Variants in SMG8 observed in about 807,000 individuals in gnomAD.
SMG8 encodes SMG8 nonsense mediated mRNA decay factor.
Under a neutral mutation model 82.1 loss-of-function variants are expected in SMG8, and 49 were observed. That is an observed-to-expected ratio of 0.60 (90% CI 0.47 to 0.76). SMG8 has a LOEUF of 0.76. SMG8 is among the 30% of genes least tolerant of loss of function. The pLI is 0.00. For synonymous variants in SMG8, 404 were observed against 430.0 expected (o/e 0.94, Z 0.75); for missense variants, 969 against 1,166.4 (o/e 0.83, Z 2.46).
Position 59,210,446 on chromosome 17 carries a change from C to G in SMG8, c.395C>G (p.Ser132Cys), listed in dbSNP as rs2046940473. The change falls in exon 1 of 4, where the codon TCC becomes TGC. Residue 132 changes from serine (S) to cysteine (C), a missense_variant. By Grantham distance (112) the Ser-to-Cys change is moderately radical (BLOSUM62 -1). Transcript: ENST00000300917. ...VAEGNRTEAGSQDYSLLQAYY... is the reference protein window; with the variant it reads ...VAEGNRTEAGCQDYSLLQAYY... Reference sequence around the variant, plus strand: ...GAAGGTAACCGAACTGAGGCAGGCTCCCAGGACTACAGCCTTCTGCAGGCC... The same window carrying G: ...GAAGGTAACCGAACTGAGGCAGGCTGCCAGGACTACAGCCTTCTGCAGGCC... The G allele has an allele frequency of 6.2e-7, 1 of 1,608,550 alleles. No homozygotes were observed. Among genetic ancestry groups the G allele is most frequent in the South Asian group, 1.1e-5 (1 of 90,278 alleles).
intron 3 of SMG8, 109 bp from the exon 4 acceptor site, chr17:59,214,696 C>T (rs2046959806): frequency 1.5e-6 from 1 of 683,944 alleles, no homozygotes; most frequent in Admixed American, 2.5e-5. Flanking sequence ...CGTGAGCCAC[C>T]AGGTCTGGCC....
chr17:59,213,866 CTTAAAT>C (rs1475487555), intron 3 of SMG8, among the ~76,000 whole-genome samples: 4 of 152,042 alleles, frequency 2.6e-5, no homozygotes, highest in African/African-American at 9.7e-5. Flanking sequence ...TTAAACAGGT[CTTAAAT>C]TTAAATACCT....
chr17:59,210,223 C>A lies in SMG8; in HGVS notation c.172C>A (p.Leu58Ile). Residue 58 changes from leucine (L) to isoleucine (I), a missense_variant, in exon 1 of 4, where the codon CTA becomes ATA. By Grantham distance (5) the Leu-to-Ile change is conservative. Around this residue, in one of 3 missense-constraint regions of SMG8, gnomAD observed 206 missense variants for 190.5 expected, o/e 1.08. Transcript: ENST00000300917. ...CVVGIFGKTA[L>I]RLNSEKFSLV... is the part of the protein sequence containing the mutation. The stretch of plus-strand genomic sequence containing the variant: ...TGTGGGAATCTTCGGCAAGACGGCT[C>A]TACGCCTGAATTCCGAGAAGTTCTC... The A allele has an allele frequency of 6.2e-7, 1 of 1,607,908 alleles. No individual in the cohort carries two copies. The highest frequency in any genetic ancestry group is 1.1e-5 in the South Asian group (1 of 90,408).
chr17:59,213,382 C>T lies in SMG8; in HGVS notation c.2559C>T (p.Asp853=). 1 of 1,614,160 alleles carries T rather than the reference C, an allele frequency of 6.2e-7. No individual in the cohort carries two copies. The highest frequency in any genetic ancestry group is 8.5e-7 in the Non-Finnish European group (1 of 1,180,040). The change falls in exon 3 of 4, where the codon GAC becomes GAT. Residue 853 remains aspartate (D), a synonymous_variant. Coordinates refer to ENST00000300917, the MANE Select transcript of SMG8 (RefSeq NM_018149.7). ...ARAFVGFEYE[D]SRGRRFMCSG... is the part of the protein sequence containing the mutation. ...CTTTTGTGGGCTTTGAATATGAAGA[C>T]TCTCGAGGTCGGAGATTCATGTGCT...
In SMG8 at chr17:59,210,969, C is replaced by T. The variant is rs1160919904; in HGVS notation, c.918C>T (p.Asp306=). The T allele has an allele frequency of 1.2e-6, 2 of 1,614,196 alleles. No individual in the cohort carries two copies. The highest frequency in any genetic ancestry group is 1.7e-5 in the Admixed American group (1 of 60,010). The part of the protein sequence containing the change: ...PKRRLQHALE[D]QIYRIFRKSR... ...GGAGGCTGCAGCATGCCCTGGAGGACCAGATCTATAGAATCTTCCGGAAGA... is the reference window on the plus strand; with the variant it reads ...GGAGGCTGCAGCATGCCCTGGAGGATCAGATCTATAGAATCTTCCGGAAGA... The change falls in exon 1 of 4, where the codon GAC becomes GAT. Residue 306 remains aspartate (D), a synonymous_variant. Coordinates refer to ENST00000300917, the MANE Select transcript of SMG8 (RefSeq NM_018149.7).
chr17:59,211,545 C>G lies in SMG8; in HGVS notation c.1494C>G (p.Asn498Lys). 1 of 1,614,044 alleles carries G rather than the reference C, an allele frequency of 6.2e-7. No homozygotes were observed. The highest frequency in any genetic ancestry group is 8.5e-7 in the Non-Finnish European group (1 of 1,180,022). The change falls in exon 1 of 4, where the codon AAC becomes AAG. Residue 498 changes from asparagine to lysine, a missense_variant. Around this residue, in one of 3 missense-constraint regions of SMG8, gnomAD observed 662 missense variants for 884.8 expected, o/e 0.75. Coordinates refer to ENST00000300917, the MANE Select transcript of SMG8 (RefSeq NM_018149.7). ...FLDIDTKFSE[N>K]RCQKALPMAH... The stretch of plus-strand genomic sequence containing the variant: ...ATATTGACACAAAATTCTCAGAAAA[C>G]CGATGCCAAAAAGCTTTACCCATGG...
Position 59,215,059 on chromosome 17 carries a change from TG to T in SMG8, c.*59del. 1 of 847,868 alleles carries T rather than the reference TG, an allele frequency of 1.2e-6. No individual in the cohort carries two copies. 52.5% of individuals were successfully genotyped at this position (847,868 alleles called of 1,614,324 possible). A position where few individuals can be genotyped will look rare whatever the true frequency, so the allele number is the denominator to read the frequency against. ...AGCTGGTTTTTGTTTTTGGTATTTGTGGCTGTGTTTTTGGTATGTGTTTACT... is the reference window on the plus strand; with the variant it reads ...AGCTGGTTTTTGTTTTTGGTATTTGTGCTGTGTTTTTGGTATGTGTTTACT... On this transcript the variant is annotated 3_prime_UTR_variant, in exon 4 of 4. Transcript: ENST00000300917.
Position 59,214,856 on chromosome 17 carries a change from A to C in SMG8, c.2830A>C (p.Ile944Leu), listed in dbSNP as rs765735131. The C allele has an allele frequency of 6.9e-6, 6 of 872,978 alleles. No homozygotes were observed. Among genetic ancestry groups the C allele is most frequent in the South Asian group, 6.5e-5 (5 of 76,546 alleles). 54.1% of individuals were successfully genotyped at this position (872,978 alleles called of 1,614,324 possible). The change falls in exon 4 of 4, where the codon ATC (isoleucine) becomes CTC (leucine). Residue 944 changes from isoleucine (I) to leucine (L), a missense_variant. Physicochemically the swap from Ile to Leu is conservative, Grantham distance 5. This residue lies in a region of SMG8 where 101 missense variants were observed against 91.1 expected (regional missense o/e 1.11). Coordinates refer to ENST00000300917, the MANE Select transcript of SMG8 (RefSeq NM_018149.7). ...GGTATTCTACCCAGAAAAACAAGAA[A>C]TCACCCTTCCACCTGATGGCCTTTG... ...CPVFYPEKQE[I>L]TLPPDGLWVL...
chr17:59,213,275 C>A lies in SMG8; in HGVS notation c.2452C>A (p.Pro818Thr). ...DEGDLDTNSW[P>T]APNKAIPGKR... Reference sequence around the variant, plus strand: ...AGGAGACTTAGACACAAACTCTTGGCCTGCTCCAAATAAAGCTATTCCTGG... The same window carrying A: ...AGGAGACTTAGACACAAACTCTTGGACTGCTCCAAATAAAGCTATTCCTGG... Residue 818 changes from proline (P) to threonine (T), a missense_variant, in exon 3 of 4, where the codon CCT becomes ACT. Around this residue, in one of 3 missense-constraint regions of SMG8, gnomAD observed 662 missense variants for 884.8 expected, o/e 0.75. Transcript: ENST00000300917. The A allele has an allele frequency of 6.2e-7, 1 of 1,614,128 alleles. No homozygotes were observed. The highest frequency in any genetic ancestry group is 8.5e-7 in the Non-Finnish European group (1 of 1,180,034).
rs778495666 is a variant in SMG8, at chr17:59,210,657, C to T, written c.606C>T (p.Tyr202=). 1.9e-6 allele frequency: 3 copies of T among 1,614,084 alleles called. No individual in the cohort carries two copies. The highest frequency in any genetic ancestry group is 1.7e-6 in the Non-Finnish European group (2 of 1,179,974). ...AGCTGCAGTGCCTCAGTCTCCTTTA[C>T]CTATTCTCTGTCTGTCATATCTTGC... ...QEKLQCLSLL[Y]LFSVCHILLL... The change falls in exon 1 of 4, where the codon TAC becomes TAT. Residue 202 remains tyrosine (Y), a synonymous_variant. Coordinates refer to ENST00000300917, the MANE Select transcript of SMG8 (RefSeq NM_018149.7).
chr17:59,213,508 T>C lies in SMG8; in HGVS notation c.2685T>C (p.Ser895=). ...TGCCCTTATATATTCTGTCATCCTC[T>C]CAAGGTAGAGGGCTGAAACCTCATT... is the stretch of plus-strand genomic sequence containing the variant. ...SDMPLYILSS[S]QGRGLKPHYA... is the part of the protein sequence containing the mutation. Residue 895 remains serine, a synonymous_variant, in exon 3 of 4, where the codon TCT becomes TCC. Coordinates refer to ENST00000300917, the MANE Select transcript of SMG8 (RefSeq NM_018149.7). 1 of 1,614,210 alleles carries C rather than the reference T, an allele frequency of 6.2e-7. No homozygotes were observed. The highest frequency in any genetic ancestry group is 8.5e-7 in the Non-Finnish European group (1 of 1,180,034).
chr17:59,212,579 A>C lies in SMG8; in HGVS notation c.1905+93A>C, dbSNP rs964930447. Reference sequence around the variant, plus strand: ...TATTTTCAATAGCAGAGTAAGTAGAAAAGCAAATGCAACTGCAGTATAATA... The same window carrying C: ...TATTTTCAATAGCAGAGTAAGTAGACAAGCAAATGCAACTGCAGTATAATA... On this transcript the variant is annotated intron_variant, in intron 2 of 3. Coordinates refer to ENST00000300917, the MANE Select transcript of SMG8 (RefSeq NM_018149.7). 6 of 1,505,908 alleles carry C rather than the reference A, an allele frequency of 4.0e-6. No homozygotes were observed. In the Admixed American group the frequency reaches 1.3e-4, roughly 32 times the overall value. The allele number at this position is 1,505,908 out of a possible 1,614,324, so 93.3% of individuals were successfully genotyped here. A position where few individuals can be genotyped will look rare whatever the true frequency, so the allele number is the denominator to read the frequency against.
At position 59,210,119 on chromosome 17, in the gene SMG8, C is replaced by T. The variant is rs201808182; in HGVS notation, c.68C>T (p.Pro23Leu). The change falls in exon 1 of 4, where the codon CCC becomes CTC. Residue 23 changes from proline (P) to leucine (L), a missense_variant. By Grantham distance (98) the Pro-to-Leu change is moderately conservative. Coordinates refer to ENST00000300917, the MANE Select transcript of SMG8 (RefSeq NM_018149.7). ...TCAGCCTGGATGGGCTCTGAAAGTCCCGGAGGGTCCCCTACTGAGGGCGGA... is the reference window on the plus strand; with the variant it reads ...TCAGCCTGGATGGGCTCTGAAAGTCTCGGAGGGTCCCCTACTGAGGGCGGA... The part of the protein sequence containing the change: ...GASAWMGSES[P>L]GGSPTEGGGS... The T allele has an allele frequency of 1.9e-6, 3 of 1,581,724 alleles. No homozygotes were observed. The highest frequency in any genetic ancestry group is 1.2e-5 in the South Asian group (1 of 85,854).
chr17:59,211,941 A>G (rs2046947547), intron 1 of SMG8, 131 bp downstream of exon 1: 4 of 762,476 alleles, frequency 5.2e-6, no homozygotes, highest in Non-Finnish European at 5.7e-6. Flanking sequence ...TGCATCAGCT[A>G]TACGTTTTCT....
At position 59,212,866 on chromosome 17, in the gene SMG8, A is replaced by G. The variant is rs1262901172; in HGVS notation, c.2043A>G (p.Glu681=). The part of the protein sequence containing the change: ...PPDSDADKLK[E]KEPQTQGEST... Reference sequence around the variant, plus strand: ...ATTCGGATGCTGATAAACTTAAAGAAAAAGAACCTCAAACCCAAGGAGAGA... The same window carrying G: ...ATTCGGATGCTGATAAACTTAAAGAGAAAGAACCTCAAACCCAAGGAGAGA... Residue 681 remains glutamate, a synonymous_variant, in exon 3 of 4, where the codon GAA becomes GAG. Transcript: ENST00000300917. 1.4e-5 allele frequency: 22 copies of G among 1,614,126 alleles called. No homozygotes were observed. The highest frequency in any genetic ancestry group is 1.9e-5 in the Non-Finnish European group (22 of 1,180,016).
At position 59,212,749 on chromosome 17, in the gene SMG8, T is replaced by C; in HGVS notation, c.1926T>C (p.Cys642=). ...DFYQLLEEKC[C]GKLDHINFPV... is the part of the protein sequence containing the mutation. ...TATAGCTTCTGGAAGAAAAGTGTTG[T>C]GGAAAATTGGATCATATCAATTTCC... Residue 642 remains cysteine, a synonymous_variant, in exon 3 of 4, where the codon TGT becomes TGC. Transcript: ENST00000300917. 1 of 1,603,992 alleles carries C rather than the reference T, an allele frequency of 6.2e-7. No individual in the cohort carries two copies. Among genetic ancestry groups the C allele is most frequent in the South Asian group, 1.1e-5 (1 of 88,392 alleles).
chr17:59,210,130 C>G lies in SMG8; in HGVS notation c.79C>G (p.Pro27Ala), dbSNP rs141016713. ...GGGCTCTGAAAGTCCCGGAGGGTCC[C>G]CTACTGAGGGCGGAGGGAGCGCGGC... ...WMGSESPGGS[P>A]TEGGGSAAGG... Residue 27 changes from proline to alanine, a missense_variant, in exon 1 of 4, where the codon CCT becomes GCT. By Grantham distance (27) the Pro-to-Ala change is conservative. Coordinates refer to ENST00000300917, the MANE Select transcript of SMG8 (RefSeq NM_018149.7). 7.6e-5 allele frequency: 121 copies of G among 1,586,590 alleles called. No individual in the cohort carries two copies. Among genetic ancestry groups the G allele is most frequent in the Non-Finnish European group, 8.8e-5 (103 of 1,168,380 alleles).
chr17:59,213,845 G>A (rs373474787), intron 3 of SMG8, among the ~76,000 whole-genome samples: 3 of 151,988 alleles, frequency 2.0e-5, no homozygotes, highest in East Asian at 1.9e-4. Context: ...ATTAAAAAAC[G>A]AATTATTTAA....
At chr17:59,214,736 T>C (rs2046959946) in intron 3 of SMG8, 69 bp from the exon 4 acceptor site, 1 of 831,826 alleles carries the variant, frequency 1.2e-6, no homozygotes, top group East Asian at 2.4e-5. Flanking sequence ...ATCGTCTGTT[T>C]AGGCATTTAT....
Sources: gnomAD v4.1 joint callset for allele counts (sites outside exome capture counted in the v4.1 genomes callset) on GRCh38, gnomAD v4.1.1 for gene constraint, gnomAD v4.1.1 regional missense constraint, MANE v1.5 for transcripts, NCBI Gene and HGNC (gene_info 2026-07-23, HGNC 2026-07-21) for gene names.